The following DYNC1H1 variants were observed in gnomAD, a reference collection of about 807,000 sequenced individuals.
The protein encoded by DYNC1H1 is cytoplasmic dynein 1 heavy chain 1.
DYNC1H1 carries 51 observed loss-of-function variants against 527.1 expected under a neutral mutation model. That is an observed-to-expected ratio of 0.10 (90% CI 0.08 to 0.12). The LOEUF is 0.12. Ranked by LOEUF, DYNC1H1 falls within the 10% of genes least tolerant of loss-of-function variation. The pLI is 1.00. For missense variants in DYNC1H1, 2,771 were observed against 5,971.8 expected (o/e 0.46, Z 17.66); for synonymous variants, 2,189 against 2,278.8 (o/e 0.96, Z 1.12).
Position 102,043,928 on chromosome 14 carries a change from C to T in DYNC1H1, c.12567C>T (p.Ile4189=). The T allele has an allele frequency of 6.2e-7, 1 of 1,614,236 alleles. No homozygotes were observed. The highest frequency in any genetic ancestry group is 8.5e-7 in the Non-Finnish European group (1 of 1,180,050). The change falls in exon 70 of 78, where the codon ATC becomes ATT. Residue 4189 remains isoleucine, a synonymous_variant. Coordinates refer to ENST00000360184, the MANE Select transcript of DYNC1H1 (RefSeq NM_001376.5). The part of the protein sequence containing the change: ...LYFLLAWFHA[I]IQERLRYAPL... ...TCCTGCTGGCCTGGTTTCATGCGAT[C>T]ATCCAAGAACGCTTACGATACGCAC...
intron 2 of DYNC1H1, among the ~76,000 whole-genome samples, chr14:101,978,410 G>T (rs2047826615): frequency 6.6e-6 from 1 of 151,986 alleles, no homozygotes; most frequent in African/African-American, 2.4e-5. Context: ...TGACCTCAAG[G>T]GATCTACTCA....
chr14:101,964,894 TC>T lies in DYNC1H1; in HGVS notation c.205del (p.Leu69PhefsTer37). The part of the protein sequence containing the change: ...EKSALEQMRK[F>X]LSDPQVHTVL... ...AGCGCCCTGGAGCAGATGCGCAAGT[TC>T]CTTTCGGACCCGCAGGTCCACACGG... On this transcript the variant is annotated frameshift_variant, in exon 1 of 78. Transcript: ENST00000360184. LOFTEE classifies it high-confidence loss of function. The surrounding 1 kb of genome is among the most constrained non-coding windows in gnomAD (Gnocchi z 5.5). 6.2e-7 allele frequency: 1 copy of T among 1,600,644 alleles called. No individual in the cohort carries two copies. Among genetic ancestry groups the T allele is most frequent in the Non-Finnish European group, 8.5e-7 (1 of 1,174,760 alleles).
Position 102,040,266 on chromosome 14 carries a change from C to G in DYNC1H1, c.11721C>G (p.His3907Gln). The change falls in exon 63 of 78, where the codon CAC becomes CAG. Residue 3907 changes from histidine to glutamine, a missense_variant. This residue lies in a region of DYNC1H1 where 120 missense variants were observed against 161.9 expected (regional missense o/e 0.74). Coordinates refer to ENST00000360184, the MANE Select transcript of DYNC1H1 (RefSeq NM_001376.5). ...CCACCTACGATGCAGAATTCCAGCACTTCTTGAGAGGAAATGAGATTGTCC... is the reference window on the plus strand; with the variant it reads ...CCACCTACGATGCAGAATTCCAGCAGTTCTTGAGAGGAAATGAGATTGTCC... ...GEPTYDAEFQ[H>Q]FLRGNEIVLS... 6.2e-7 allele frequency: 1 copy of G among 1,614,222 alleles called. No homozygotes were observed. Among genetic ancestry groups the G allele is most frequent in the Admixed American group, 1.7e-5 (1 of 60,018 alleles).
At chr14:102,008,042 T>G in intron 28 of DYNC1H1, 136 bp from the exon 29 acceptor site, 2 of 1,238,094 alleles carry the variant, frequency 1.6e-6, no homozygotes, top group Admixed American at 3.7e-5. Context: ...ACCTTAGTTA[T>G]GTCCTTACAC....
chr14:101,994,300 A>T lies in DYNC1H1; in HGVS notation c.3132A>T (p.Val1044=). The T allele has an allele frequency of 6.2e-7, 1 of 1,614,200 alleles. No individual in the cohort carries two copies. The highest frequency in any genetic ancestry group is 8.5e-7 in the Non-Finnish European group (1 of 1,180,048). The change falls in exon 12 of 78, where the codon GTA becomes GTT. Residue 1044 remains valine, a synonymous_variant. Coordinates refer to ENST00000360184, the MANE Select transcript of DYNC1H1 (RefSeq NM_001376.5). ...CGTATTCTGCTGTCATGGGCATTGT[A>T]TCTGAAGTTGAACAGTATGTCAAGG... ...EESYSAVMGI[V]SEVEQYVKVW... is the part of the protein sequence containing the mutation.
chr14:102,022,024 T>G (rs943706877), intron 42 of DYNC1H1, among the ~76,000 whole-genome samples: 3 of 151,870 alleles, frequency 2.0e-5, no homozygotes, highest in African/African-American at 7.3e-5. Flanking sequence ...TAATCCCAGC[T>G]ACTGAGGAGG....
intron 7 of DYNC1H1, among the ~76,000 whole-genome samples, chr14:101,984,343 T>C (rs2047902915): frequency 6.6e-6 from 1 of 151,294 alleles, no homozygotes; most frequent in Non-Finnish European, 1.5e-5. Flanking sequence ...CTTTCTGTTG[T>C]CTTTAAGATC....
chr14:102,024,687 TA>T (rs746188911), intron 43 of DYNC1H1, among the ~76,000 whole-genome samples: 1 of 124,498 alleles, frequency 8.0e-6, no homozygotes, highest in Non-Finnish European at 1.6e-5. Context: ...CTTTTTTTTT[TA>T]ACTCTTTTTT....
intron 51 of DYNC1H1, among the ~76,000 whole-genome samples, chr14:102,031,550 A>C (rs1290612014): frequency 6.6e-6 from 1 of 152,166 alleles, no homozygotes; most frequent in Non-Finnish European, 1.5e-5. Flanking sequence ...TAGAACTGTT[A>C]ACTCCACGTC....
intron 69 of DYNC1H1, chr14:102,043,126 A>G: frequency 3.0e-6 from 1 of 337,368 alleles, no homozygotes; most frequent in Non-Finnish European, 5.8e-6. Context: ...TACTAAAAAT[A>G]TAAAAAATTA....
chr14:101,972,814 T>G (rs1315109261), intron 1 of DYNC1H1, among the ~76,000 whole-genome samples: 1 of 152,254 alleles, frequency 6.6e-6, no homozygotes, highest in African/African-American at 2.4e-5. Context: ...CTGTATATTG[T>G]TTCGGTGTTA....
Position 101,997,308 on chromosome 14 carries a change from C to A in DYNC1H1, c.3804+34C>A, listed in dbSNP as rs1048435824. The A allele has an allele frequency of 6.2e-7, 1 of 1,613,768 alleles. No individual in the cohort carries two copies. The highest frequency in any genetic ancestry group is 1.7e-5 in the Admixed American group (1 of 60,002). On this transcript the variant is annotated intron_variant, in intron 16 of 77. Transcript: ENST00000360184. The surrounding 1 kb of genome is among the most constrained non-coding windows in gnomAD (Gnocchi z 4.8). ...CGCCAGGTGGGGACGCAGGAGACTC[C>A]TCACCCAGCAGTGTGATTTGGTGAC...
chr14:102,044,226 C>T lies in DYNC1H1; in HGVS notation c.12685-48C>T. On this transcript the variant is annotated intron_variant, in intron 70 of 77. Transcript: ENST00000360184. This position sits in a 1 kb window ranked among gnomAD's most constrained non-coding sequence, Gnocchi z 7.1. ...GTGCCCCTCGAAAGGAAGCCCCGGGCCTGCCCGCCTCTGACCACACACACG... is the reference window on the plus strand; with the variant it reads ...GTGCCCCTCGAAAGGAAGCCCCGGGTCTGCCCGCCTCTGACCACACACACG... 1.2e-6 allele frequency: 2 copies of T among 1,608,900 alleles called. No homozygotes were observed. Among genetic ancestry groups the T allele is most frequent in the Non-Finnish European group, 1.7e-6 (2 of 1,178,076 alleles).
rs954483611 is a variant in DYNC1H1 at position 102,020,792 on chromosome 14, T to A, written c.8507+736T>A. Among the ~76,000 whole-genome samples, 5 of 152,352 alleles carry A rather than the reference T, an allele frequency of 3.3e-5. No individual in the cohort carries two copies. Among genetic ancestry groups the A allele is most frequent in the Non-Finnish European group, 7.3e-5 (5 of 68,032 alleles). ...AAGAAATGCTTAAGTGTTTGGCAGC[T>A]GTGCCTCTGGACCAGGTGTCATCCT... On this transcript the variant is annotated intron_variant, in intron 42 of 77. Transcript: ENST00000360184. The surrounding 1 kb of genome is among the most constrained non-coding windows in gnomAD (Gnocchi z 4.3).
intron 1 of DYNC1H1, among the ~76,000 whole-genome samples, chr14:101,974,597 C>T (rs956439089): frequency 1.3e-5 from 2 of 152,178 alleles, no homozygotes; most frequent in African/African-American, 4.8e-5. Context: ...TATTCTTATA[C>T]TTTTTTTAGT....
chr14:102,042,512 GTGGT>G lies in DYNC1H1; in HGVS notation c.12399+8_12399+11del. 1 of 1,614,132 alleles carries G rather than the reference GTGGT, an allele frequency of 6.2e-7. No individual in the cohort carries two copies. The highest frequency in any genetic ancestry group is 2.2e-5 in the East Asian group (1 of 44,866). On this transcript the variant is annotated splice_donor_region_variant and intron_variant, in intron 68 of 77. Coordinates refer to ENST00000360184, the MANE Select transcript of DYNC1H1 (RefSeq NM_001376.5). This position sits in a 1 kb window ranked among gnomAD's most constrained non-coding sequence, Gnocchi z 5.7. ...ACCATGGAGATCAACCCCAAGGTGG[GTGGT>G]TGAAGGAGTGGAGACGTTGCAGGCT...
Position 102,055,779 on chromosome 14 carries a change from AACTCTG to A in DYNC1H1, c.*5222_*5227del, listed in dbSNP as rs2048870552. 3 of 152,338 alleles carry A rather than the reference AACTCTG, an allele frequency of 2.0e-5. No homozygotes were observed. Among genetic ancestry groups the A allele is most frequent in the Admixed American group, 2.0e-4 (3 of 15,264 alleles). 9.4% of individuals were successfully genotyped at this position (152,338 alleles called of 1,614,324 possible). A position where few individuals can be genotyped will look rare whatever the true frequency, so the allele number is the denominator to read the frequency against. ...AAACCCCGCAGGCAGCTGATTAGCA[AACTCTG>A]ACTCTAACCTCAAAACATGTCCAGA... On this transcript the variant is annotated 3_prime_UTR_variant, in exon 78 of 78. Coordinates refer to ENST00000360184, the MANE Select transcript of DYNC1H1 (RefSeq NM_001376.5).
intron 16 of DYNC1H1, among the ~76,000 whole-genome samples, chr14:101,998,667 G>A (rs2720213): frequency 2.0e-5 from 3 of 151,960 alleles, no homozygotes; most frequent in East Asian, 1.9e-4. Flanking sequence ...AACCGTTTCC[G>A]TGCTGCTGGG....
intron 43 of DYNC1H1, among the ~76,000 whole-genome samples, chr14:102,025,565 G>GAA (rs3067914): frequency 2.0e-5 from 2 of 102,332 alleles, no homozygotes; most frequent in Admixed American, 1.1e-4. Flanking sequence ...CTGTCTCAAG[G>GAA]AAAAAAAAAA....
Sources: gnomAD v4.1 joint callset for allele counts (sites outside exome capture counted in the v4.1 genomes callset) on GRCh38, gnomAD v4.1.1 for gene constraint, gnomAD v4.1.1 regional missense constraint, Gnocchi (gnomAD v3.1) non-coding constraint, MANE v1.5 for transcripts, NCBI Gene and HGNC (gene_info 2026-07-23, HGNC 2026-07-21) for gene names.